The following DENND4A variants were observed in gnomAD, a reference collection of about 807,000 sequenced individuals.
The protein encoded by DENND4A is C-myc promoter-binding protein.
In DENND4A, 70 loss-of-function variants were observed where a neutral mutation model predicts 199.3. The ratio of observed to expected loss-of-function variants is 0.35; its 90% confidence interval spans 0.29 to 0.43. DENND4A has a LOEUF of 0.43. Ranked by LOEUF, DENND4A falls within the 20% of genes least tolerant of loss-of-function variation. The probability of loss-of-function intolerance (pLI) is 1.00; values close to 1 mark genes in which losing one functional copy is unlikely to be tolerated. For synonymous variants in DENND4A, 686 were observed against 766.9 expected, an observed-to-expected ratio of 0.89 and a Z score of 1.74; for missense variants, 1,723 against 2,255.8, an observed-to-expected ratio of 0.76 and a Z score of 4.78.
At chr15:65,708,444 C>T (rs183378219) in intron 14 of DENND4A, among the ~76,000 whole-genome samples, 245 of 152,198 alleles carry the variant, frequency 1.6e-3, no homozygotes, top group Non-Finnish European at 2.7e-3. Context: ...CTCTAGTTTT[C>T]GGTAAAGTCT....
At chr15:65,762,999 C>T (rs996851634) in intron 1 of DENND4A, among the ~76,000 whole-genome samples, 1 of 152,064 alleles carries the variant, frequency 6.6e-6, no homozygotes, top group African/African-American at 2.4e-5. Flanking sequence ...ATGCCAGTAT[C>T]TTATTTTTTT....
At chr15:65,710,098 TA>T (rs1286612658) in intron 14 of DENND4A, among the ~76,000 whole-genome samples, 1 of 152,142 alleles carries the variant, frequency 6.6e-6, no homozygotes. Context: ...CTAGACAACA[TA>T]ATGTATTAAC....
chr15:65,752,672 T>C (rs770227048), intron 3 of DENND4A, 44 bp from the exon 4 acceptor site: 10 of 1,256,402 alleles, frequency 8.0e-6, no homozygotes, highest in Non-Finnish European at 1.1e-5. Flanking sequence ...GCACTTTAAA[T>C]ATGAAAAGTA....
intron 1 of DENND4A, among the ~76,000 whole-genome samples, chr15:65,779,853 T>C (rs576975389): frequency 6.6e-6 from 1 of 152,306 alleles, no homozygotes; most frequent in African/African-American, 2.4e-5. Context: ...TTTTGCCATG[T>C]TGGCCAGGCT....
At chr15:65,693,685 T>C (rs1402232644) in intron 22 of DENND4A, among the ~76,000 whole-genome samples, 2 of 151,818 alleles carry the variant, frequency 1.3e-5, no homozygotes, top group South Asian at 2.1e-4. Context: ...AAAAATGATA[T>C]GCTGAAGGAA....
intron 1 of DENND4A, among the ~76,000 whole-genome samples, chr15:65,780,406 G>C (rs2077407450): frequency 1.3e-5 from 2 of 152,164 alleles, no homozygotes; most frequent in Admixed American, 1.3e-4. Context: ...AATAAGAAAA[G>C]TATGCTGAAT....
chr15:65,709,838 TTTTCTGAGTAGTCA>T (rs1322561190), intron 14 of DENND4A, among the ~76,000 whole-genome samples: 1 of 151,200 alleles, frequency 6.6e-6, no homozygotes, highest in Non-Finnish European at 1.5e-5. Flanking sequence ...TCAGTTTTGA[TTTTCTGAGTAGTCA>T]TTAAAATCTT....
At chr15:65,674,617 C>T (rs1020782515) in intron 24 of DENND4A, among the ~76,000 whole-genome samples, 1 of 151,762 alleles carries the variant, frequency 6.6e-6, no homozygotes, top group African/African-American at 2.4e-5. Flanking sequence ...TGCTGGTGCA[C>T]GCCTGTAGTC....
intron 1 of DENND4A, among the ~76,000 whole-genome samples, chr15:65,762,585 C>T (rs2076879386): frequency 6.6e-6 from 1 of 152,152 alleles, no homozygotes; most frequent in Non-Finnish European, 1.5e-5. Flanking sequence ...GCCCTGATCA[C>T]ACCACTGTGC....
chr15:65,705,683 A>T (rs918425159), intron 15 of DENND4A, among the ~76,000 whole-genome samples: 1 of 152,210 alleles, frequency 6.6e-6, no homozygotes, highest in African/African-American at 2.4e-5. Context: ...GATTGGCTCT[A>T]AATTAGATTT....
At chr15:65,787,530 C>T (rs796856955) in intron 1 of DENND4A, among the ~76,000 whole-genome samples, 1 of 152,000 alleles carries the variant, frequency 6.6e-6, no homozygotes, top group African/African-American at 2.4e-5. Context: ...AAGTGTCACA[C>T]ATTTTAAAAA....
intron 1 of DENND4A, among the ~76,000 whole-genome samples, chr15:65,775,401 G>A (rs952881996): frequency 6.6e-6 from 1 of 151,476 alleles, no homozygotes; most frequent in Non-Finnish European, 1.5e-5. Flanking sequence ...AGCACTTTGG[G>A]AGGCTGAGGC....
intron 8 of DENND4A, among the ~76,000 whole-genome samples, chr15:65,732,021 A>G (rs1163240212): frequency 6.6e-6 from 1 of 152,074 alleles, no homozygotes; most frequent in Non-Finnish European, 1.5e-5. Flanking sequence ...CCTATGGCCT[A>G]CATGGCAAAT....
intron 1 of DENND4A, among the ~76,000 whole-genome samples, chr15:65,774,985 C>T (rs565771117): frequency 6.6e-6 from 1 of 151,466 alleles, no homozygotes; most frequent in East Asian, 1.9e-4. Flanking sequence ...AATCCTCCTG[C>T]CTCAGCCTCC....
chr15:65,789,720 T>C (rs1286621101), intron 1 of DENND4A, among the ~76,000 whole-genome samples: 1 of 152,246 alleles, frequency 6.6e-6, no homozygotes, highest in Non-Finnish European at 1.5e-5. Flanking sequence ...AGGTTTATTA[T>C]ATACCAAACA....
intron 4 of DENND4A, 82 bp downstream of exon 4, chr15:65,752,281 CAAAAAAAAAAAAAAAA>C (rs61418354): frequency 3.2e-4 from 86 of 272,672 alleles, no homozygotes; most frequent in South Asian, 1.8e-3. Context: ...TGCTGTTTTC[CAAAAAAAAAAAAAAAA>C]AAAAAAAAAA....
At chr15:65,702,226 A>C in intron 17 of DENND4A, 79 bp downstream of exon 17, 2 of 1,170,094 alleles carry the variant, frequency 1.7e-6, no homozygotes, top group Middle Eastern at 5.2e-4. Context: ...CCATGACTGC[A>C]TCACTGCACT....
At chr15:65,780,216 G>A (rs1008863040) in intron 1 of DENND4A, among the ~76,000 whole-genome samples, 1 of 152,080 alleles carries the variant, frequency 6.6e-6, no homozygotes, top group African/African-American at 2.4e-5. Context: ...CTGTGCTCTT[G>A]TTCAACCTTT....
chr15:65,783,709 G>C (rs1282228010), intron 1 of DENND4A, among the ~76,000 whole-genome samples: 2 of 152,126 alleles, frequency 1.3e-5, no homozygotes. Flanking sequence ...AGTATGTCCT[G>C]TTGGTAGAAA....
Sources: allele counts gnomAD v4.1 joint callset (sites outside exome capture counted in the v4.1 genomes callset), GRCh38; gene constraint gnomAD v4.1.1; transcripts MANE v1.5; gene names NCBI Gene and HGNC (gene_info 2026-07-23, HGNC 2026-07-21).